The following FOXB2 variants were observed in gnomAD, a reference collection of about 807,000 sequenced individuals.
The protein encoded by FOXB2 is forkhead box B2.
Under a neutral mutation model 0.9 loss-of-function variants are expected in FOXB2, and 1 was observed. The observed-to-expected ratio is 1.09, with a 90% CI of 0.39 to 5.18. The LOEUF is 5.18. Ranked by LOEUF, FOXB2 falls within the 30% of genes most tolerant of loss-of-function variation. The pLI is 0.16. For synonymous variants in FOXB2, 322 were observed against 293.5 expected, an observed-to-expected ratio of 1.10 and a Z score of -0.99; for missense variants, 670 against 626.6, an observed-to-expected ratio of 1.07 and a Z score of -0.74.
chr9:77,019,917 C>A lies in FOXB2; in HGVS notation c.263C>A (p.Ala88Glu), dbSNP rs781463953. The change falls in exon 1 of 1, where the codon GCG becomes GAG. Residue 88 changes from alanine (A) to glutamate (E), a missense_variant. Physicochemically the swap from Ala to Glu is moderately radical, Grantham distance 107 (BLOSUM62 -1). Coordinates refer to ENST00000376708, the MANE Select transcript of FOXB2 (RefSeq NM_001013735.1). The surrounding 1 kb of genome is among the most constrained non-coding windows in gnomAD (Gnocchi z 4.4). Reference sequence around the variant, plus strand: ...CAGCCTGGCAAGGGTAGCTTCTGGGCGCTGCACCCCGACTGCGGGGACATG... The same window carrying A: ...CAGCCTGGCAAGGGTAGCTTCTGGGAGCTGCACCCCGACTGCGGGGACATG... ...PDQPGKGSFW[A>E]LHPDCGDMFE... is the part of the protein sequence containing the mutation. 1.5e-5 allele frequency: 24 copies of A among 1,613,676 alleles called. 1 individual carries two copies. The highest frequency in any genetic ancestry group is 2.2e-5 in the South Asian group (2 of 91,078).
In FOXB2 at chr9:77,020,746, G is replaced by A. The variant is rs760596757; in HGVS notation, c.1092G>A (p.Val364=). The A allele has an allele frequency of 6.3e-7, 1 of 1,595,178 alleles. No homozygotes were observed. Among genetic ancestry groups the A allele is most frequent in the South Asian group, 1.1e-5 (1 of 89,122 alleles). ...GCCAGAGCCTGCCTGCCATGCCGGT[G>A]CCCATCAAGCCCACGCCTGCGCTGC... is the stretch of plus-strand genomic sequence containing the variant. ...SASQSLPAMP[V]PIKPTPALPP... The change falls in exon 1 of 1, where the codon GTG becomes GTA. Residue 364 remains valine, a synonymous_variant. Transcript: ENST00000376708. This position sits in a 1 kb window ranked among gnomAD's most constrained non-coding sequence, Gnocchi z 4.9.
rs1349880103 is a variant in FOXB2 at position 77,020,304 on chromosome 9, T to C, written c.650T>C (p.Met217Thr). ...QPQQPSHPGK[M>T]QEAAAVAAAA... Reference sequence around the variant, plus strand: ...CAGCAGCCGTCTCACCCCGGCAAGATGCAGGAGGCGGCGGCCGTGGCGGCG... The same window carrying C: ...CAGCAGCCGTCTCACCCCGGCAAGACGCAGGAGGCGGCGGCCGTGGCGGCG... Residue 217 changes from methionine (M) to threonine (T), a missense_variant, in exon 1 of 1, where the codon ATG becomes ACG. By Grantham distance (81) the Met-to-Thr change is moderately conservative. Transcript: ENST00000376708. This position sits in a 1 kb window ranked among gnomAD's most constrained non-coding sequence, Gnocchi z 4.9. The C allele has an allele frequency of 2.7e-5, 34 of 1,261,510 alleles. No homozygotes were observed. The highest frequency in any genetic ancestry group is 3.3e-5 in the Non-Finnish European group (32 of 981,364). 78.1% of individuals were successfully genotyped at this position (1,261,510 alleles called of 1,614,324 possible).
chr9:77,019,727 G>A lies in FOXB2; in HGVS notation c.73G>A (p.Ala25Thr). 1.2e-6 allele frequency: 2 copies of A among 1,613,876 alleles called. No individual in the cohort carries two copies. Among genetic ancestry groups the A allele is most frequent in the South Asian group, 1.1e-5 (1 of 91,052 alleles). ...PYSYISLTAM[A>T]IQHSAEKMLP... is the part of the protein sequence containing the mutation. ...CTCTTACATCTCGCTGACCGCCATG[G>A]CAATCCAGCACTCGGCCGAGAAGAT... Residue 25 changes from alanine (A) to threonine (T), a missense_variant, in exon 1 of 1, where the codon GCA becomes ACA. Transcript: ENST00000376708. The surrounding 1 kb of genome is among the most constrained non-coding windows in gnomAD (Gnocchi z 4.4).
chr9:77,020,108 G>T lies in FOXB2; in HGVS notation c.454G>T (p.Ala152Ser), dbSNP rs1447668810. 2.2e-6 allele frequency: 3 copies of T among 1,371,162 alleles called. No individual in the cohort carries two copies. The highest frequency in any genetic ancestry group is 6.0e-5 in the East Asian group (2 of 33,542). The allele number at this position is 1,371,162 out of a possible 1,614,324, so 84.9% of individuals were successfully genotyped here. Reference protein sequence around the residue: ...HHPHHHHHHHAAAHHHHHHHP... With the variant: ...HHPHHHHHHHSAAHHHHHHHP... ...CCCCCACCACCACCATCATCACCACGCTGCCGCACACCACCACCATCACCA... is the reference window on the plus strand; with the variant it reads ...CCCCCACCACCACCATCATCACCACTCTGCCGCACACCACCACCATCACCA... The change falls in exon 1 of 1, where the codon GCT becomes TCT. Residue 152 changes from alanine to serine, a missense_variant. Transcript: ENST00000376708. The surrounding 1 kb of genome is among the most constrained non-coding windows in gnomAD (Gnocchi z 4.9).
rs766233959 is a variant in FOXB2 at position 77,020,564 on chromosome 9, G to A, written c.910G>A (p.Gly304Ser). ...VMHHLGYPVPGQLGNVVSSVW... is the reference protein window; with the variant it reads ...VMHHLGYPVPSQLGNVVSSVW... ...GCACCACCTGGGCTACCCCGTGCCC[G>A]GCCAGCTTGGCAACGTCGTCAGCTC... The change falls in exon 1 of 1, where the codon GGC becomes AGC. Residue 304 changes from glycine (G) to serine (S), a missense_variant. By Grantham distance (56) the Gly-to-Ser change is moderately conservative. Transcript: ENST00000376708. This position sits in a 1 kb window ranked among gnomAD's most constrained non-coding sequence, Gnocchi z 4.9. The A allele has an allele frequency of 3.7e-6, 6 of 1,610,750 alleles. No homozygotes were observed. The highest frequency in any genetic ancestry group is 2.2e-5 in the South Asian group (2 of 91,010).
chr9:77,020,322 TGGCGGC>T lies in FOXB2; in HGVS notation c.684_689del (p.Ala233_Ala234del), dbSNP rs750048680. ...GGCAAGATGCAGGAGGCGGCGGCCG[TGGCGGC>T]GGCGGCGGCGGCGGCCGCGGCAGCC... is the stretch of plus-strand genomic sequence containing the variant. On this transcript the variant is annotated inframe_deletion, in exon 1 of 1. Transcript: ENST00000376708. The surrounding 1 kb of genome is among the most constrained non-coding windows in gnomAD (Gnocchi z 4.9). 2.8e-5 allele frequency: 30 copies of T among 1,068,352 alleles called. No homozygotes were observed. The highest frequency in any genetic ancestry group is 2.3e-4 in the South Asian group (6 of 26,498). 66.2% of individuals were successfully genotyped at this position (1,068,352 alleles called of 1,614,324 possible). A position where few individuals can be genotyped will look rare whatever the true frequency, so the allele number is the denominator to read the frequency against.
Position 77,020,114 on chromosome 9 carries a change from G to C in FOXB2, c.460G>C (p.Ala154Pro). The C allele has an allele frequency of 6.9e-7, 1 of 1,442,072 alleles. No homozygotes were observed. The highest frequency in any genetic ancestry group is 9.3e-7 in the Non-Finnish European group (1 of 1,075,958). The allele number at this position is 1,442,072 out of a possible 1,614,324, so 89.3% of individuals were successfully genotyped here. A position where few individuals can be genotyped will look rare whatever the true frequency, so the allele number is the denominator to read the frequency against. Residue 154 changes from alanine (A) to proline (P), a missense_variant, in exon 1 of 1, where the codon GCA (alanine) becomes CCA (proline). Coordinates refer to ENST00000376708, the MANE Select transcript of FOXB2 (RefSeq NM_001013735.1). This position sits in a 1 kb window ranked among gnomAD's most constrained non-coding sequence, Gnocchi z 4.9. ...CCACCACCATCATCACCACGCTGCC[G>C]CACACCACCACCATCACCACCACCC... ...PHHHHHHHAAAHHHHHHHPPQ... is the reference protein window; with the variant it reads ...PHHHHHHHAAPHHHHHHHPPQ...
chr9:77,019,792 C>T lies in FOXB2; in HGVS notation c.138C>T (p.Arg46=). The T allele has an allele frequency of 1.2e-6, 2 of 1,614,148 alleles. No individual in the cohort carries two copies. Among genetic ancestry groups the T allele is most frequent in the Non-Finnish European group, 1.7e-6 (2 of 1,180,020 alleles). Reference sequence around the variant, plus strand: ...ACATCTACAAGTTCATCATGGAGCGCTTCCCCTACTACCGCGAGCACACAC... The same window carrying T: ...ACATCTACAAGTTCATCATGGAGCGTTTCCCCTACTACCGCGAGCACACAC... ...LSDIYKFIME[R]FPYYREHTQR... is the part of the protein sequence containing the mutation. The change falls in exon 1 of 1, where the codon CGC becomes CGT. Residue 46 remains arginine, a synonymous_variant. Transcript: ENST00000376708. This position sits in a 1 kb window ranked among gnomAD's most constrained non-coding sequence, Gnocchi z 4.4.
chr9:77,019,688 C>A lies in FOXB2; in HGVS notation c.34C>A (p.Gln12Lys), dbSNP rs914367620. The stretch of plus-strand genomic sequence containing the variant: ...GCCGGGGAAGAGCTCGTACAGCGAC[C>A]AAAAACCGCCCTACTCTTACATCTC... ...PRPGKSSYSDQKPPYSYISLT... is the reference protein window; with the variant it reads ...PRPGKSSYSDKKPPYSYISLT... Residue 12 changes from glutamine (Q) to lysine (K), a missense_variant, in exon 1 of 1, where the codon CAA becomes AAA. By Grantham distance (53) the Gln-to-Lys change is moderately conservative. Coordinates refer to ENST00000376708, the MANE Select transcript of FOXB2 (RefSeq NM_001013735.1). This position sits in a 1 kb window ranked among gnomAD's most constrained non-coding sequence, Gnocchi z 4.4. The A allele has an allele frequency of 6.2e-7, 1 of 1,604,254 alleles. No individual in the cohort carries two copies. The highest frequency in any genetic ancestry group is 1.3e-5 in the African/African-American group (1 of 74,674).
rs1182803307 is a variant in FOXB2 at position 77,020,176 on chromosome 9, G to T, written c.522G>T (p.Pro174=). 22 of 1,201,446 alleles carry T rather than the reference G, an allele frequency of 1.8e-5. No homozygotes were observed. The highest frequency in any genetic ancestry group is 2.7e-5 in the Non-Finnish European group (22 of 821,716). 74.4% of individuals were successfully genotyped at this position (1,201,446 alleles called of 1,614,324 possible). A position where few individuals can be genotyped will look rare whatever the true frequency, so the allele number is the denominator to read the frequency against. Residue 174 remains proline (P), a synonymous_variant, in exon 1 of 1, where the codon CCG becomes CCT. Transcript: ENST00000376708. This position sits in a 1 kb window ranked among gnomAD's most constrained non-coding sequence, Gnocchi z 4.9. The part of the protein sequence containing the change: ...QPPPPPPPPP[P]HMVHYFHQQP... ...CGCCGCCGCCGCCCCCGCCGCCGCC[G>T]CACATGGTACACTATTTCCATCAGC...
Position 77,020,551 on chromosome 9 carries a change from C to T in FOXB2, c.897C>T (p.Gly299=). The T allele has an allele frequency of 6.2e-7, 1 of 1,611,110 alleles. No homozygotes were observed. The highest frequency in any genetic ancestry group is 8.5e-7 in the Non-Finnish European group (1 of 1,179,360). ...TGGCGTCCGTCATGCACCACCTGGG[C>T]TACCCCGTGCCCGGCCAGCTTGGCA... ...LPLASVMHHL[G]YPVPGQLGNV... Residue 299 remains glycine (G), a synonymous_variant, in exon 1 of 1, where the codon GGC becomes GGT. Transcript: ENST00000376708. The surrounding 1 kb of genome is among the most constrained non-coding windows in gnomAD (Gnocchi z 4.9).
chr9:77,020,206 G>T lies in FOXB2; in HGVS notation c.552G>T (p.Pro184=), dbSNP rs757101814. The T allele has an allele frequency of 1.4e-5, 16 of 1,166,864 alleles. No homozygotes were observed. Among genetic ancestry groups the T allele is most frequent in the Non-Finnish European group, 1.8e-5 (14 of 786,842 alleles). The allele number at this position is 1,166,864 out of a possible 1,614,324, so 72.3% of individuals were successfully genotyped here. Residue 184 remains proline (P), a synonymous_variant, in exon 1 of 1, where the codon CCG becomes CCT. Transcript: ENST00000376708. This position sits in a 1 kb window ranked among gnomAD's most constrained non-coding sequence, Gnocchi z 4.9. ...TGGTACACTATTTCCATCAGCAACCGCCTACTGCTCCGCAGCCGCCTCCGC... is the reference window on the plus strand; with the variant it reads ...TGGTACACTATTTCCATCAGCAACCTCCTACTGCTCCGCAGCCGCCTCCGC... ...PHMVHYFHQQ[P]PTAPQPPPHL...
chr9:77,020,326 G>A lies in FOXB2; in HGVS notation c.672G>A (p.Ala224=), dbSNP rs560698623. 4.1e-6 allele frequency: 5 copies of A among 1,205,944 alleles called. No individual in the cohort carries two copies. In the African/African-American group the frequency reaches 4.8e-5, roughly 12 times the overall value. The allele number at this position is 1,205,944 out of a possible 1,614,324, so 74.7% of individuals were successfully genotyped here. The change falls in exon 1 of 1, where the codon GCG becomes GCA. Residue 224 remains alanine (A), a synonymous_variant. Coordinates refer to ENST00000376708, the MANE Select transcript of FOXB2 (RefSeq NM_001013735.1). This position sits in a 1 kb window ranked among gnomAD's most constrained non-coding sequence, Gnocchi z 4.9. ...AGATGCAGGAGGCGGCGGCCGTGGC[G>A]GCGGCGGCGGCGGCGGCCGCGGCAG... ...PGKMQEAAAV[A]AAAAAAAAAA... is the part of the protein sequence containing the mutation.
rs1160620344 is a variant in FOXB2 at position 77,020,103 on chromosome 9, A to T, written c.449A>T (p.His150Leu). ...HHHHPHHHHH[H>L]HAAAHHHHHH... ...CACCACCCCCACCACCACCATCATC[A>T]CCACGCTGCCGCACACCACCACCAT... The change falls in exon 1 of 1, where the codon CAC becomes CTC. Residue 150 changes from histidine (H) to leucine (L), a missense_variant. By Grantham distance (99) the His-to-Leu change is moderately conservative. Coordinates refer to ENST00000376708, the MANE Select transcript of FOXB2 (RefSeq NM_001013735.1). This position sits in a 1 kb window ranked among gnomAD's most constrained non-coding sequence, Gnocchi z 4.9. 1 of 1,488,288 alleles carries T rather than the reference A, an allele frequency of 6.7e-7. No individual in the cohort carries two copies. Among genetic ancestry groups the T allele is most frequent in the East Asian group, 2.5e-5 (1 of 40,612 alleles). The allele number at this position is 1,488,288 out of a possible 1,614,324, so 92.2% of individuals were successfully genotyped here. A position where few individuals can be genotyped will look rare whatever the true frequency, so the allele number is the denominator to read the frequency against.
chr9:77,020,694 C>A lies in FOXB2; in HGVS notation c.1040C>A (p.Pro347Gln). 1 of 1,601,452 alleles carries A rather than the reference C, an allele frequency of 6.2e-7. No homozygotes were observed. The highest frequency in any genetic ancestry group is 8.5e-7 in the Non-Finnish European group (1 of 1,175,528). ...CCGGAGTATGGGGCCTTCGGGGTCC[C>A]GGTCAAGTCCCTGTGCCACTCGGCA... ...VGPEYGAFGV[P>Q]VKSLCHSASQ... Residue 347 changes from proline (P) to glutamine (Q), a missense_variant, in exon 1 of 1, where the codon CCG (proline) becomes CAG (glutamine). Transcript: ENST00000376708. This position sits in a 1 kb window ranked among gnomAD's most constrained non-coding sequence, Gnocchi z 4.9.
Position 77,020,014 on chromosome 9 carries a change from C to G in FOXB2, c.360C>G (p.His120Gln). ...KVLRADHTHL[H>Q]AGSTKSAPGA... is the part of the protein sequence containing the mutation. ...TGCGCGCCGACCATACTCACTTGCA[C>G]GCGGGAAGCACCAAGAGCGCGCCGG... Residue 120 changes from histidine to glutamine, a missense_variant, in exon 1 of 1, where the codon CAC (histidine) becomes CAG (glutamine). Transcript: ENST00000376708. This position sits in a 1 kb window ranked among gnomAD's most constrained non-coding sequence, Gnocchi z 4.9. 1.2e-6 allele frequency: 2 copies of G among 1,610,668 alleles called. No homozygotes were observed. Among genetic ancestry groups the G allele is most frequent in the South Asian group, 1.1e-5 (1 of 90,944 alleles).
rs770862696 is a variant in FOXB2, at chr9:77,020,148, C to T, written c.494C>T (p.Pro165Leu). 8.1e-7 allele frequency: 1 copy of T among 1,240,562 alleles called. No individual in the cohort carries two copies. Among genetic ancestry groups the T allele is most frequent in the Non-Finnish European group, 1.1e-6 (1 of 870,050 alleles). 76.8% of individuals were successfully genotyped at this position (1,240,562 alleles called of 1,614,324 possible). Reference sequence around the variant, plus strand: ...CACCATCACCACCACCCACCCCAGCCGCCGCCGCCGCCGCCCCCGCCGCCG... The same window carrying T: ...CACCATCACCACCACCCACCCCAGCTGCCGCCGCCGCCGCCCCCGCCGCCG... ...HHHHHHHPPQ[P>L]PPPPPPPPPH... is the part of the protein sequence containing the mutation. The change falls in exon 1 of 1, where the codon CCG (proline) becomes CTG (leucine). Residue 165 changes from proline (P) to leucine (L), a missense_variant. Pro to Leu is a moderately conservative substitution (Grantham distance 98). Transcript: ENST00000376708. This position sits in a 1 kb window ranked among gnomAD's most constrained non-coding sequence, Gnocchi z 4.9.
rs751277118 is a variant in FOXB2, at chr9:77,019,900, C to A, written c.246C>A (p.Gly82=). Residue 82 remains glycine (G), a synonymous_variant, in exon 1 of 1, where the codon GGC becomes GGA. Transcript: ENST00000376708. The surrounding 1 kb of genome is among the most constrained non-coding windows in gnomAD (Gnocchi z 4.4). ...TTCCGCGGAGGCCCGACCAGCCTGGCAAGGGTAGCTTCTGGGCGCTGCACC... is the reference window on the plus strand; with the variant it reads ...TTCCGCGGAGGCCCGACCAGCCTGGAAAGGGTAGCTTCTGGGCGCTGCACC... The part of the protein sequence containing the change: ...IKIPRRPDQP[G]KGSFWALHPD... 1 of 1,613,746 alleles carries A rather than the reference C, an allele frequency of 6.2e-7. No individual in the cohort carries two copies.
Position 77,020,276 on chromosome 9 carries a change from C to A in FOXB2, c.622C>A (p.Pro208Thr). Residue 208 changes from proline (P) to threonine (T), a missense_variant, in exon 1 of 1, where the codon CCT becomes ACT. Physicochemically the swap from Pro to Thr is conservative, Grantham distance 38 (BLOSUM62 -1). Transcript: ENST00000376708. This position sits in a 1 kb window ranked among gnomAD's most constrained non-coding sequence, Gnocchi z 4.9. ...PPQQPPQQSQ[P>T]QQPSHPGKMQ... The stretch of plus-strand genomic sequence containing the variant: ...GCAGCAACCGCCCCAGCAGTCGCAG[C>A]CTCAGCAGCCGTCTCACCCCGGCAA... 7.2e-7 allele frequency: 1 copy of A among 1,394,878 alleles called. No homozygotes were observed. The highest frequency in any genetic ancestry group is 1.0e-6 in the Non-Finnish European group (1 of 998,040). The allele number at this position is 1,394,878 out of a possible 1,614,324, so 86.4% of individuals were successfully genotyped here. A position where few individuals can be genotyped will look rare whatever the true frequency, so the allele number is the denominator to read the frequency against.
Sources: gnomAD v4.1 joint callset for allele counts on GRCh38, gnomAD v4.1.1 for gene constraint, Gnocchi (gnomAD v3.1) non-coding constraint, MANE v1.5 for transcripts, NCBI Gene and HGNC (gene_info 2026-07-23, HGNC 2026-07-21) for gene names.